The following PDE7B variants were observed in gnomAD, a reference collection of about 807,000 sequenced individuals.
PDE7B encodes the protein 3',5'-cyclic-AMP phosphodiesterase 7B.
In PDE7B, 29 loss-of-function variants were observed where a neutral mutation model predicts 56.2. That is an observed-to-expected ratio of 0.52 (90% CI 0.38 to 0.70). The LOEUF (loss-of-function observed/expected upper bound fraction) is 0.70, where lower values mean the gene tolerates loss of function less well. Among genes scored for constraint, PDE7B ranks in the 30% least tolerant of loss-of-function variants. The probability of loss-of-function intolerance (pLI) is 0.00; values close to 1 mark genes in which losing one functional copy is unlikely to be tolerated. For missense variants in PDE7B, 490 were observed against 565.0 expected (o/e 0.87, Z 1.35); for synonymous variants, 197 against 196.9 (o/e 1.00, Z 0.00).
chr6:136,076,042 TAA>T (rs1777122997), intron 2 of PDE7B, among the ~76,000 whole-genome samples: 1 of 152,020 alleles, frequency 6.6e-6, no homozygotes, highest in Non-Finnish European at 1.5e-5. Flanking sequence ...CTCACAAGAA[TAA>T]AGAGTGGAAA....
chr6:135,866,386 T>C (rs913966439), intron 1 of PDE7B, among the ~76,000 whole-genome samples: 3 of 152,170 alleles, frequency 2.0e-5, no homozygotes, highest in African/African-American at 7.2e-5. Context: ...ATTGTGGCCA[T>C]TATAATATTA....
intron 2 of PDE7B, among the ~76,000 whole-genome samples, chr6:136,059,819 T>C (rs560176299): frequency 6.6e-6 from 1 of 152,322 alleles, no homozygotes; most frequent in African/African-American, 2.4e-5. Flanking sequence ...CTAATCATCC[T>C]ACACCTTAAT....
At chr6:135,914,793 T>G (rs1392861777) in intron 1 of PDE7B, among the ~76,000 whole-genome samples, 1 of 143,036 alleles carries the variant, frequency 7.0e-6, no homozygotes, top group Non-Finnish European at 1.5e-5. Flanking sequence ...CCGGCTATAA[T>G]GCTTTTAAGA....
chr6:136,181,195 TCA>T, intron 10 of PDE7B, 30 bp from the exon 11 acceptor site: 2 of 1,523,500 alleles, frequency 1.3e-6, no homozygotes, highest in Non-Finnish European at 1.8e-6. Context: ...GAACATCCTC[TCA>T]CAATTTCTCC....
chr6:136,144,314 A>G (rs761215797), intron 3 of PDE7B, among the ~76,000 whole-genome samples: 1 of 152,094 alleles, frequency 6.6e-6, no homozygotes, highest in Non-Finnish European at 1.5e-5. Context: ...CATTTGTTAT[A>G]TTTTGCAATC....
At chr6:136,140,603 C>T (rs1242301604) in intron 3 of PDE7B, among the ~76,000 whole-genome samples, 1 of 152,198 alleles carries the variant, frequency 6.6e-6, no homozygotes, top group Non-Finnish European at 1.5e-5. Context: ...TACCCTTGAG[C>T]ATGGAATGTT....
intron 2 of PDE7B, chr6:136,064,510 T>C (rs764260049): frequency 6.6e-6 from 1 of 152,184 alleles, no homozygotes; most frequent in Non-Finnish European, 1.5e-5. Context: ...ATGGAGACAG[T>C]TCCTCTCCTT....
At chr6:135,888,820 A>C (rs1775757117) in intron 1 of PDE7B, among the ~76,000 whole-genome samples, 1 of 152,106 alleles carries the variant, frequency 6.6e-6, no homozygotes, top group Non-Finnish European at 1.5e-5. Context: ...TAATTATATA[A>C]TTCTGGTGTC....
intron 2 of PDE7B, among the ~76,000 whole-genome samples, chr6:136,107,673 A>G (rs2128217841): frequency 6.6e-6 from 1 of 152,306 alleles, no homozygotes. Flanking sequence ...GCTCAGAGAA[A>G]TAAATCTGCC....
chr6:136,014,363 T>G (rs1741559050), intron 2 of PDE7B, among the ~76,000 whole-genome samples: 1 of 152,252 alleles, frequency 6.6e-6, no homozygotes, highest in Admixed American at 6.5e-5. Context: ...ACAATTTATA[T>G]GCATTTCCTG....
At chr6:135,963,153 T>C (rs927907371) in intron 2 of PDE7B, among the ~76,000 whole-genome samples, 34 of 152,126 alleles carry the variant, frequency 2.2e-4, no homozygotes, top group Non-Finnish European at 8.8e-5. Flanking sequence ...CACGTGCACA[T>C]ATACACATGG....
At chr6:136,079,649 A>G (rs960169351) in intron 2 of PDE7B, among the ~76,000 whole-genome samples, 5 of 151,760 alleles carry the variant, frequency 3.3e-5, no homozygotes, top group Non-Finnish European at 7.4e-5. Flanking sequence ...ACTGTGGCCA[A>G]CATTCTATAG....
chr6:135,863,314 A>G (rs1380266905), intron 1 of PDE7B, among the ~76,000 whole-genome samples: 3 of 152,044 alleles, frequency 2.0e-5, no homozygotes, highest in Non-Finnish European at 2.9e-5. Context: ...ATATTGAACA[A>G]TGTAAAATTG....
chr6:136,136,541 A>G (rs543521218), intron 3 of PDE7B, among the ~76,000 whole-genome samples: 47 of 152,222 alleles, frequency 3.1e-4, no homozygotes, highest in Admixed American at 2.6e-3. Flanking sequence ...ATAATTGTAC[A>G]TTGAAAAAAT....
Position 136,179,137 on chromosome 6 carries a change from T to G in PDE7B, c.944T>G (p.Leu315Arg). 6.2e-7 allele frequency: 1 copy of G among 1,613,730 alleles called. No homozygotes were observed. Among genetic ancestry groups the G allele is most frequent in the Non-Finnish European group, 8.5e-7 (1 of 1,179,792 alleles). Reference sequence around the variant, plus strand: ...GATGCACAGGACAGGCACTTTATGCTTCAGGTAAACGAAACAATAAAAGCC... The same window carrying G: ...GATGCACAGGACAGGCACTTTATGCGTCAGGTAAACGAAACAATAAAAGCC... Reference protein sequence around the residue: ...LEDAQDRHFMLQIALKCADIC... With the variant: ...LEDAQDRHFMRQIALKCADIC... Residue 315 changes from leucine to arginine, a missense_variant, in exon 10 of 13, where the codon CTT becomes CGT. By Grantham distance (102) the Leu-to-Arg change is moderately radical. Coordinates refer to ENST00000308191, the MANE Select transcript of PDE7B (RefSeq NM_018945.4).
At chr6:136,029,265 C>T (rs1776199831) in intron 2 of PDE7B, among the ~76,000 whole-genome samples, 2 of 152,082 alleles carry the variant, frequency 1.3e-5, no homozygotes, top group Admixed American at 1.3e-4. Flanking sequence ...ATAGTAGCCT[C>T]ATCAATTGCC....
chr6:135,885,805 C>T (rs1775698173), intron 1 of PDE7B, among the ~76,000 whole-genome samples: 1 of 152,152 alleles, frequency 6.6e-6, no homozygotes, highest in Admixed American at 6.6e-5. Context: ...TGATAGCAAG[C>T]AATGCTGAGA....
At chr6:136,146,498 ACT>A (rs1258659303) in intron 3 of PDE7B, among the ~76,000 whole-genome samples, 1 of 151,882 alleles carries the variant, frequency 6.6e-6, no homozygotes, top group African/African-American at 2.4e-5. Flanking sequence ...GAAAGTAAAC[ACT>A]CTCTGCTTCT....
At chr6:136,114,461 C>G (rs1444729061) in intron 3 of PDE7B, among the ~76,000 whole-genome samples, 1 of 152,078 alleles carries the variant, frequency 6.6e-6, no homozygotes, top group African/African-American at 2.4e-5. Flanking sequence ...GAACAAAAGC[C>G]ACTCAGTATG....
Sources: gnomAD v4.1 joint callset for allele counts (sites outside exome capture counted in the v4.1 genomes callset) on GRCh38, gnomAD v4.1.1 for gene constraint, MANE v1.5 for transcripts, NCBI Gene and HGNC (gene_info 2026-07-23, HGNC 2026-07-21) for gene names.